Variants in SYT14 observed in about 807,000 individuals in gnomAD.
The protein encoded by SYT14 is synaptotagmin 14, also known as synaptotagmin-14.
In SYT14, 32 loss-of-function variants were observed where a neutral mutation model predicts 74.2. The ratio of observed to expected loss-of-function variants is 0.43; its 90% CI spans 0.33 to 0.58. The LOEUF is 0.58. SYT14 is among the 20% of genes least tolerant of loss of function. The probability of loss-of-function intolerance (pLI) is 0.05; values close to 1 mark genes in which losing one functional copy is unlikely to be tolerated. For synonymous variants in SYT14, 298 were observed against 337.7 expected (o/e 0.88, Z 1.29); for missense variants, 791 against 981.8 (o/e 0.81, Z 2.60).
At chr1:209,946,288 A>G (rs1042663624) in intron 1 of SYT14, among the ~76,000 whole-genome samples, 1 of 152,232 alleles carries the variant, frequency 6.6e-6, no homozygotes, top group African/African-American at 2.4e-5. Flanking sequence ...CTAGTGAGGA[A>G]GGCATGTTAA....
chr1:210,113,750 T>C (rs1288459774), intron 7 of SYT14, among the ~76,000 whole-genome samples: 1 of 150,918 alleles, frequency 6.6e-6, no homozygotes, highest in Non-Finnish European at 1.5e-5. Flanking sequence ...CTAGGAATAG[T>C]CAGGGAAGCA....
At chr1:210,161,678 T>C (rs770812080) in exon 10 of SYT14, 4 of 453,630 alleles carry the variant, frequency 8.8e-6, no homozygotes, top group East Asian at 1.4e-4. Flanking sequence ...TTTTTTAATA[T>C]GTTATTTTTT....
chr1:209,964,096 A>G (rs893669549), intron 2 of SYT14, among the ~76,000 whole-genome samples: 6 of 152,074 alleles, frequency 3.9e-5, no homozygotes, highest in Admixed American at 3.9e-4. Flanking sequence ...CCCACATGTC[A>G]AGGGAGGGAC....
intron 5 of SYT14, among the ~76,000 whole-genome samples, chr1:210,049,874 G>A (rs1385608632): frequency 6.6e-6 from 1 of 152,196 alleles, no homozygotes; most frequent in Non-Finnish European, 1.5e-5. Flanking sequence ...GCTGCAGACA[G>A]CACAGAGACC....
At chr1:210,086,361 A>G (rs953012212) in intron 5 of SYT14, among the ~76,000 whole-genome samples, 2 of 152,190 alleles carry the variant, frequency 1.3e-5, no homozygotes, top group African/African-American at 4.8e-5. Flanking sequence ...ACTTATTCAT[A>G]TATTTATTTA....
chr1:210,134,904 A>G (rs374756910), intron 7 of SYT14, among the ~76,000 whole-genome samples: 7 of 152,104 alleles, frequency 4.6e-5, no homozygotes, highest in South Asian at 4.1e-4. Context: ...ACTCTGATAC[A>G]TATATATGAG....
intron 7 of SYT14, among the ~76,000 whole-genome samples, chr1:210,125,171 G>C (rs1003101261): frequency 2.0e-5 from 3 of 151,878 alleles, no homozygotes; most frequent in Admixed American, 6.6e-5. Context: ...CCCAAGTAGT[G>C]AGCATAGTAC....
At chr1:209,953,282 G>A (rs1002676208) in intron 2 of SYT14, 19 of 1,280,186 alleles carry the variant, frequency 1.5e-5, no homozygotes, top group Admixed American at 6.9e-5. Context: ...CTAGGTGGGA[G>A]GCAAGGAATC....
chr1:210,157,007 C>A, intron 8 of SYT14: 1 of 161,684 alleles, frequency 6.2e-6, no homozygotes, highest in South Asian at 1.5e-4. Context: ...CTTCTTTATA[C>A]TTACCTAAAA....
At chr1:210,029,034 A>G (rs565113235) in intron 5 of SYT14, among the ~76,000 whole-genome samples, 1 of 152,274 alleles carries the variant, frequency 6.6e-6, no homozygotes, top group Non-Finnish European at 1.5e-5. Flanking sequence ...AGCGACACTG[A>G]ACATCATTTC....
chr1:210,124,069 G>A (rs1469773275), intron 7 of SYT14, among the ~76,000 whole-genome samples: 1 of 152,072 alleles, frequency 6.6e-6, no homozygotes, highest in Non-Finnish European at 1.5e-5. Context: ...TGTAAAGAAA[G>A]GTATACTGGA....
exon 4 of SYT14, chr1:210,016,079 G>A (rs2080176678): frequency 2.4e-6 from 3 of 1,231,992 alleles, no homozygotes. Flanking sequence ...TAGTGCTGTA[G>A]AGGATTTGAC....
At chr1:209,961,609 T>C (rs1318528508) in intron 2 of SYT14, among the ~76,000 whole-genome samples, 1 of 152,178 alleles carries the variant, frequency 6.6e-6, no homozygotes, top group East Asian at 1.9e-4. Context: ...TCAAGTGAAA[T>C]AAAGTGTATG....
rs185067560 is a variant in SYT14 at position 210,041,143 on chromosome 1, C to A, written c.1312+19889C>A. Among the ~76,000 whole-genome samples, 34 of 152,260 alleles carry A rather than the reference C, an allele frequency of 2.2e-4. 1 individual carries two copies. The East Asian group carries it at 6.2e-3, about 28-fold the overall frequency. ...ATTGAACATTTGCCCACTGGGATGC[C>A]GGTGCCAAAGATGTCTCCTCTGATG... is the stretch of plus-strand genomic sequence containing the variant. On this transcript the variant is annotated intron_variant, in intron 5 of 9. Coordinates refer to ENST00000637265, the Ensembl canonical transcript of SYT14.
At chr1:210,140,117 C>G (rs542488947) in intron 7 of SYT14, among the ~76,000 whole-genome samples, 13 of 152,304 alleles carry the variant, frequency 8.5e-5, no homozygotes, top group African/African-American at 3.1e-4. Flanking sequence ...TTCTCTTCAA[C>G]ACTTGTTATT....
intron 8 of SYT14, among the ~76,000 whole-genome samples, chr1:210,157,773 TATTA>T (rs1013214462): frequency 6.6e-6 from 1 of 151,444 alleles, no homozygotes; most frequent in African/African-American, 2.4e-5. Context: ...TAATAATATT[TATTA>T]ATTAAAATTA....
At chr1:209,953,330 G>A (rs2078941938) in intron 2 of SYT14, 3 of 1,062,718 alleles carry the variant, frequency 2.8e-6, no homozygotes, top group Non-Finnish European at 3.8e-6. Flanking sequence ...GGAGAACCTT[G>A]GGAGTCCCCA....
exon 10 of SYT14, chr1:210,170,328 A>G (rs915690285): frequency 1.3e-5 from 2 of 152,010 alleles, no homozygotes; most frequent in Non-Finnish European, 2.9e-5. Context: ...GTGAGCATAT[A>G]TGTAATCGTT....
At chr1:210,012,087 C>G (rs1378226607) in intron 2 of SYT14, among the ~76,000 whole-genome samples, 1 of 152,054 alleles carries the variant, frequency 6.6e-6, no homozygotes, top group Non-Finnish European at 1.5e-5. Context: ...CATTCAGTTT[C>G]TGGAATATAA....
Sources: allele counts gnomAD v4.1 joint callset (sites outside exome capture counted in the v4.1 genomes callset), GRCh38; gene constraint gnomAD v4.1.1; transcripts MANE v1.5; gene names NCBI Gene and HGNC (gene_info 2026-07-23, HGNC 2026-07-21).